Variants in DNAJC5 observed in about 807,000 individuals in gnomAD.
DNAJC5 encodes DnaJ heat shock protein family (Hsp40) member C5, also known as dnaJ homolog subfamily C member 5.
In DNAJC5, 1 loss-of-function variant was observed where a neutral mutation model predicts 23.2. That is an observed-to-expected ratio of 0.04 (90% CI 0.02 to 0.20). The LOEUF (loss-of-function observed/expected upper bound fraction) is 0.20, where lower values mean the gene tolerates loss of function less well. Ranked by LOEUF, DNAJC5 falls within the 10% of genes least tolerant of loss-of-function variation. The pLI, the probability that DNAJC5 is intolerant of heterozygous loss-of-function variation, is 1.00. For synonymous variants in DNAJC5, 136 were observed against 120.0 expected, an observed-to-expected ratio of 1.13 and a Z score of -0.87; for missense variants, 180 against 267.0, an observed-to-expected ratio of 0.67 and a Z score of 2.27.
Position 63,928,677 on chromosome 20 carries a change from A to G in DNAJC5, c.107+225A>G, listed in dbSNP as rs2053636643. ...CAACAAAAAATAGCACTTAGTAGAAACTGACACACTGTCCACAGTTCCATA... is the reference window on the plus strand; with the variant it reads ...CAACAAAAAATAGCACTTAGTAGAAGCTGACACACTGTCCACAGTTCCATA... On this transcript the variant is annotated intron_variant, in intron 2 of 4. Transcript: ENST00000360864. The surrounding 1 kb of genome is among the most constrained non-coding windows in gnomAD (Gnocchi z 4.6). 6.6e-6 allele frequency among the ~76,000 whole-genome samples: 1 copy of G among 152,190 alleles called. No individual in the cohort carries two copies. The highest frequency in any genetic ancestry group is 6.5e-5 in the Admixed American group (1 of 15,280).
chr20:63,932,868 C>CT lies in DNAJC5; in HGVS notation c.*1301dup, dbSNP rs1376416497. ...GTCCCTTGGGAGGCCAGCAGCCAGA[C>CT]TACGGAATCCACATGTGGACCATGG... On this transcript the variant is annotated 3_prime_UTR_variant, in exon 5 of 5. Coordinates refer to ENST00000360864, the MANE Select transcript of DNAJC5 (RefSeq NM_025219.3). This position sits in a 1 kb window ranked among gnomAD's most constrained non-coding sequence, Gnocchi z 4.4. 1 of 152,450 alleles carries CT rather than the reference C, an allele frequency of 6.6e-6. No individual in the cohort carries two copies. The highest frequency in any genetic ancestry group is 1.5e-5 in the Non-Finnish European group (1 of 68,104). The allele number at this position is 152,450 out of a possible 1,614,324, so 9.4% of individuals were successfully genotyped here.
intron 1 of DNAJC5, among the ~76,000 whole-genome samples, chr20:63,903,357 G>C (rs1023039597): frequency 1.3e-5 from 2 of 152,120 alleles, no homozygotes; most frequent in Admixed American, 6.5e-5. Context: ...CACCAGACTG[G>C]AGAGCAGTGG....
rs568382856 is a variant in DNAJC5 at position 63,929,945 on chromosome 20, G to C, written c.321+420G>C. Among the ~76,000 whole-genome samples the C allele has an allele frequency of 6.6e-6, 1 of 152,250 alleles. No individual in the cohort carries two copies. Among genetic ancestry groups the C allele is most frequent in the South Asian group, 2.1e-4 (1 of 4,824 alleles). ...TGGAACAAGCCATAGCGTACAGATT[G>C]TCCCAGGGAAGAGCCGTGCGGAGCC... On this transcript the variant is annotated intron_variant, in intron 3 of 4. Transcript: ENST00000360864. This position sits in a 1 kb window ranked among gnomAD's most constrained non-coding sequence, Gnocchi z 8.6.
At chr20:63,915,756 C>G (rs1198495165) in intron 1 of DNAJC5, among the ~76,000 whole-genome samples, 1 of 152,192 alleles carries the variant, frequency 6.6e-6, no homozygotes, top group African/African-American at 2.4e-5. Context: ...TCTTGGGCAC[C>G]CAGAAGTTCC....
intron 1 of DNAJC5, among the ~76,000 whole-genome samples, chr20:63,905,924 G>A (rs910647013): frequency 2.0e-5 from 3 of 150,364 alleles, no homozygotes; most frequent in Non-Finnish European, 2.9e-5. Context: ...TAGTAGAGAC[G>A]GGGTTTCACC....
In DNAJC5 at chr20:63,930,795, G is replaced by A. The variant is rs1335926146; in HGVS notation, c.322-56G>A. 1.4e-5 allele frequency: 22 copies of A among 1,608,908 alleles called. No homozygotes were observed. The East Asian group carries it at 1.6e-4, about 11-fold the overall frequency. On this transcript the variant is annotated intron_variant, in intron 3 of 4. Coordinates refer to ENST00000360864, the MANE Select transcript of DNAJC5 (RefSeq NM_025219.3). The stretch of plus-strand genomic sequence containing the variant: ...TGCTGAGGGCATTTGGGAGTCCTGC[G>A]CCTCCCTCTCCAGGGGCCTCGGAGG...
intron 1 of DNAJC5, among the ~76,000 whole-genome samples, chr20:63,911,084 A>G (rs1424486839): frequency 6.6e-6 from 1 of 152,210 alleles, no homozygotes; most frequent in Admixed American, 6.5e-5. Flanking sequence ...AAAAATCTTT[A>G]TTAGGTTTCC....
In DNAJC5 at chr20:63,918,547, T is replaced by G. The variant is rs561259541; in HGVS notation, c.-11-9788T>G. ...ATTGATAATTTTCCAGTTTTTAAATTAGAGACGGGATCATGGTGTTTATGC... is the reference window on the plus strand; with the variant it reads ...ATTGATAATTTTCCAGTTTTTAAATGAGAGACGGGATCATGGTGTTTATGC... On this transcript the variant is annotated intron_variant, in intron 1 of 4. Transcript: ENST00000360864. Among the ~76,000 whole-genome samples, 4 of 152,356 alleles carry G rather than the reference T, an allele frequency of 2.6e-5. No individual in the cohort carries two copies. The South Asian group carries it at 8.3e-4, about 32-fold the overall frequency.
intron 1 of DNAJC5, among the ~76,000 whole-genome samples, chr20:63,919,244 T>G (rs2053542081): frequency 6.6e-6 from 1 of 152,176 alleles, no homozygotes; most frequent in Admixed American, 6.5e-5. Context: ...CAGGCGGAGA[T>G]TTTTGCCTGT....
chr20:63,930,965 A>T lies in DNAJC5; in HGVS notation c.436A>T (p.Thr146Ser), dbSNP rs757737652. 1 of 1,614,086 alleles carries T rather than the reference A, an allele frequency of 6.2e-7. No homozygotes were observed. The highest frequency in any genetic ancestry group is 1.1e-5 in the South Asian group (1 of 91,082). Residue 146 changes from threonine (T) to serine (S), a missense_variant, in exon 4 of 5, where the codon ACG becomes TCG. By Grantham distance (58) the Thr-to-Ser change is moderately conservative. This residue lies in a region of DNAJC5 where 97 missense variants were observed against 123.4 expected (regional missense o/e 0.79). Transcript: ENST00000360864. ...CKPKAPEGEE[T>S]EFYVSPEDLE... ...GCCCAAGGCGCCTGAAGGCGAGGAG[A>T]CGGAGTTCTACGTGTCCCCCGAGGA...
intron 1 of DNAJC5, among the ~76,000 whole-genome samples, chr20:63,923,540 A>G (rs2053588319): frequency 6.6e-6 from 1 of 152,038 alleles, no homozygotes; most frequent in African/African-American, 2.4e-5. Context: ...GGAGTTTGAG[A>G]CCAACAAGAT....
At chr20:63,922,167 C>G (rs1181343601) in intron 1 of DNAJC5, among the ~76,000 whole-genome samples, 2 of 152,012 alleles carry the variant, frequency 1.3e-5, no homozygotes, top group African/African-American at 4.8e-5. Flanking sequence ...CTCATTACCC[C>G]AAGGAAATAG....
chr20:63,908,046 G>C (rs144307609), intron 1 of DNAJC5, among the ~76,000 whole-genome samples: 2 of 152,226 alleles, frequency 1.3e-5, no homozygotes, highest in African/African-American at 2.4e-5. Context: ...GATTACAGGC[G>C]TGAGCCACTG....
intron 1 of DNAJC5, 74 bp downstream of exon 1, chr20:63,895,397 G>GGGGGGC (rs2053367458): frequency 6.8e-6 from 1 of 147,118 alleles, no homozygotes; most frequent in Non-Finnish European, 1.5e-5. Flanking sequence ...GGGCGCGGGT[G>GGGGGGC]GGGGGCGGGG....
chr20:63,896,400 C>G (rs1007008302), intron 1 of DNAJC5, among the ~76,000 whole-genome samples: 1 of 152,122 alleles, frequency 6.6e-6, no homozygotes, highest in Non-Finnish European at 1.5e-5. Flanking sequence ...CGGGGTGGCT[C>G]CAGCTGGCGT....
intron 1 of DNAJC5, among the ~76,000 whole-genome samples, chr20:63,914,217 GTAATTGT>G (rs201807359): frequency 0.013 from 2,046 of 152,334 alleles, 33 homozygotes; most frequent in African/African-American, 0.046. Context: ...GGTTTACCTT[GTAATTGT>G]TGTTAAAACC....
At chr20:63,916,296 C>T (rs2053515201) in intron 1 of DNAJC5, among the ~76,000 whole-genome samples, 1 of 152,170 alleles carries the variant, frequency 6.6e-6, no homozygotes, top group Non-Finnish European at 1.5e-5. Context: ...TTTCTATTTT[C>T]CATAAGTGTC....
intron 1 of DNAJC5, among the ~76,000 whole-genome samples, chr20:63,905,556 C>T (rs62218068): frequency 1.8e-3 from 268 of 151,510 alleles, no homozygotes; most frequent in Middle Eastern, 3.4e-3. Flanking sequence ...CACACATGAC[C>T]GCACATGGCA....
intron 1 of DNAJC5, among the ~76,000 whole-genome samples, chr20:63,909,351 A>C (rs931375472): frequency 1.2e-3 from 185 of 152,010 alleles, no homozygotes; most frequent in Non-Finnish European, 2.3e-3. Flanking sequence ...AAAAAAAAAA[A>C]AATTAGCCGG....
Sources: allele counts gnomAD v4.1 joint callset (sites outside exome capture counted in the v4.1 genomes callset), GRCh38; gene constraint gnomAD v4.1.1; regional missense constraint gnomAD v4.1.1; non-coding constraint Gnocchi (gnomAD v3.1); transcripts MANE v1.5; gene names NCBI Gene and HGNC (gene_info 2026-07-23, HGNC 2026-07-21).